The following ZNF717 variants were observed in gnomAD, a reference collection of about 807,000 sequenced individuals.
The protein encoded by ZNF717 is krueppel-like factor X17.
In ZNF717, 9 loss-of-function variants were observed where a neutral mutation model predicts 13.8. That is an observed-to-expected ratio of 0.65 (90% confidence interval 0.39 to 1.14). The LOEUF (loss-of-function observed/expected upper bound fraction) is 1.14. ZNF717 is among the 50% of genes most tolerant of loss of function. The pLI, the probability that ZNF717 is intolerant of heterozygous loss-of-function variation, is 0.01. For synonymous variants in ZNF717, 327 were observed against 364.1 expected, an observed-to-expected ratio of 0.90 and a Z score of 1.16; for missense variants, 1,040 against 1,080.7, an observed-to-expected ratio of 0.96 and a Z score of 0.53.
chr3:75,721,975 C>T (rs1290054839), intron 4 of ZNF717, among the ~76,000 whole-genome samples: 157 of 151,862 alleles, frequency 1.0e-3, no homozygotes, highest in Non-Finnish European at 1.7e-3. Flanking sequence ...TTGCCGGGTG[C>T]GGTGGCTCAC....
chr3:75,729,615 C>CAAAAA (rs369485280), downstream of ZNF717, among the ~76,000 whole-genome samples: 12 of 115,550 alleles, frequency 1.0e-4, no homozygotes, highest in South Asian at 3.4e-4. Flanking sequence ...AACTCCATAT[C>CAAAAA]AAAAAAAAAA....
chr3:75,758,952 C>G (rs1942733518), intron 2 of ZNF717, among the ~76,000 whole-genome samples: 1 of 152,190 alleles, frequency 6.6e-6, no homozygotes, highest in Non-Finnish European at 1.5e-5. Context: ...ATTACTCCAG[C>G]CTGAGCCACA....
intron 6 of ZNF717, among the ~76,000 whole-genome samples, chr3:75,702,115 C>A (rs1937708166): frequency 6.6e-6 from 1 of 152,310 alleles, no homozygotes. Context: ...TCCCACTGCT[C>A]AGTATATGCC....
intron 5 of ZNF717, among the ~76,000 whole-genome samples, chr3:75,714,591 C>T (rs1303518235): frequency 1.3e-5 from 2 of 151,982 alleles, no homozygotes. Flanking sequence ...AGCTCTTGCC[C>T]TCAGTCTCTT....
At chr3:75,729,842 T>C (rs1938419133), downstream of ZNF717, 1 of 152,224 alleles carries the variant, frequency 6.6e-6, no homozygotes, top group African/African-American at 2.4e-5. Flanking sequence ...GACTTTTCCC[T>C]TTAGTTTAAT....
rs1452625697 is a variant in ZNF717 at position 75,737,225 on chromosome 3, C to A, written c.2398G>T (p.Val800Phe). The A allele has an allele frequency of 6.6e-5, 102 of 1,553,256 alleles. No individual in the cohort carries two copies. The East Asian group carries it at 2.4e-3, about 37-fold the overall frequency. ...TGAGTTCTCTGATGTATGGTGAGAA[C>A]TGTCTTATCGTAAAAAGTTTTCCTA... ...ECRKTFYDKT[V>F]LTIHQRTHTG... The change falls in exon 5 of 5, where the codon GTT becomes TTT. Residue 800 changes from valine (V) to phenylalanine (F), a missense_variant. Physicochemically the swap from Val to Phe is conservative, Grantham distance 50 (BLOSUM62 -1). Transcript: ENST00000652011.
intron 2 of ZNF717, among the ~76,000 whole-genome samples, chr3:75,742,148 G>A (rs1304700095): frequency 1.3e-5 from 2 of 152,016 alleles, no homozygotes; most frequent in Admixed American, 6.6e-5. Context: ...CAAAATGCAA[G>A]ACCCTGTCTC....
chr3:75,726,208 A>C (rs1283239431), downstream of ZNF717, among the ~76,000 whole-genome samples: 15 of 152,274 alleles, frequency 9.9e-5, no homozygotes, highest in Non-Finnish European at 1.9e-4. Context: ...CTTTCCTATC[A>C]TCTGGGAGAA....
In ZNF717 at chr3:75,736,601, G is replaced by T; in HGVS notation, c.*277C>A. The T allele has an allele frequency of 4.8e-6, 2 of 416,418 alleles. No homozygotes were observed. The highest frequency in any genetic ancestry group is 8.2e-6 in the Non-Finnish European group (2 of 242,684). 25.8% of individuals were successfully genotyped at this position (416,418 alleles called of 1,614,324 possible). A position where few individuals can be genotyped will look rare whatever the true frequency, so the allele number is the denominator to read the frequency against. On this transcript the variant is annotated 3_prime_UTR_variant, in exon 5 of 5. Transcript: ENST00000652011. Reference sequence around the variant, plus strand: ...CCTAACTCTCTTCAATTCTATGGAGGAGAAGAGAGGTGAGGAAGTTGCAGA... The same window carrying T: ...CCTAACTCTCTTCAATTCTATGGAGTAGAAGAGAGGTGAGGAAGTTGCAGA...
chr3:75,738,049 T>C lies in ZNF717; in HGVS notation c.1574A>G (p.His525Arg), dbSNP rs1575763248. 1.5e-6 allele frequency: 2 copies of C among 1,343,358 alleles called. No homozygotes were observed. Among genetic ancestry groups the C allele is most frequent in the South Asian group, 2.9e-5 (2 of 68,916 alleles). The allele number at this position is 1,343,358 out of a possible 1,614,324, so 83.2% of individuals were successfully genotyped here. Residue 525 changes from histidine (H) to arginine (R), a missense_variant, in exon 5 of 5, where the codon CAT (histidine) becomes CGT (arginine). By Grantham distance (29) the His-to-Arg change is conservative. Transcript: ENST00000652011. ...TTTTTCCCCAGCATGAGTTCTCTGA[T>C]GGACAGTGAGGAATGACTTACAGCG... ...TFRCKSFLTVHQRTHAGEKPY... is the reference protein window; with the variant it reads ...TFRCKSFLTVRQRTHAGEKPY...
chr3:75,749,243 T>C (rs1575817683), intron 2 of ZNF717, among the ~76,000 whole-genome samples: 1 of 151,386 alleles, frequency 6.6e-6, no homozygotes, highest in African/African-American at 2.4e-5. Context: ...ACTCCTGCTG[T>C]GGTCCGAATG....
chr3:75,704,283 A>G (rs1327720598), intron 6 of ZNF717, among the ~76,000 whole-genome samples: 2 of 152,312 alleles, frequency 1.3e-5, no homozygotes, highest in South Asian at 2.1e-4. Flanking sequence ...TTTTTTCTGC[A>G]TAAGATCTAA....
chr3:75,775,109 C>G (rs540915425), intron 2 of ZNF717, among the ~76,000 whole-genome samples: 53 of 152,204 alleles, frequency 3.5e-4, no homozygotes, highest in African/African-American at 1.2e-3. Context: ...TTACAGACAC[C>G]TGCCACCACA....
chr3:75,770,639 G>C (rs1055388173), intron 2 of ZNF717, among the ~76,000 whole-genome samples: 4 of 152,182 alleles, frequency 2.6e-5, no homozygotes, highest in African/African-American at 7.2e-5. Flanking sequence ...CTGAATCTAA[G>C]CAAGAAAAGC....
chr3:75,704,816 A>G (rs1186475907), downstream of ZNF717, among the ~76,000 whole-genome samples: 1 of 152,308 alleles, frequency 6.6e-6, no homozygotes, highest in South Asian at 2.1e-4. Context: ...TCTGACTTTT[A>G]TCTGATTGCT....
chr3:75,777,005 T>G (rs1944371430), intron 2 of ZNF717, among the ~76,000 whole-genome samples: 1 of 152,258 alleles, frequency 6.6e-6, no homozygotes, highest in Non-Finnish European at 1.5e-5. Context: ...AAGGAGCATA[T>G]GCCAAATTCT....
intron 4 of ZNF717, among the ~76,000 whole-genome samples, chr3:75,721,669 T>G (rs1313098674): frequency 6.6e-6 from 1 of 152,168 alleles, no homozygotes; most frequent in Non-Finnish European, 1.5e-5. Flanking sequence ...GCAAATAACT[T>G]TTTTTTCTGC....
intron 2 of ZNF717, among the ~76,000 whole-genome samples, chr3:75,780,683 A>G (rs567172451): frequency 4.1e-3 from 620 of 152,378 alleles, no homozygotes; most frequent in Middle Eastern, 6.8e-3. Flanking sequence ...TACAGGTGTG[A>G]GCCACCACGC....
At chr3:75,773,025 T>C (rs1229573427) in intron 2 of ZNF717, among the ~76,000 whole-genome samples, 1 of 152,224 alleles carries the variant, frequency 6.6e-6, no homozygotes, top group Non-Finnish European at 1.5e-5. Flanking sequence ...TTTGATCCAG[T>C]AGTTAACTGG....
Sources: allele counts gnomAD v4.1 joint callset (sites outside exome capture counted in the v4.1 genomes callset), GRCh38; gene constraint gnomAD v4.1.1; transcripts MANE v1.5; gene names NCBI Gene and HGNC (gene_info 2026-07-23, HGNC 2026-07-21).